Variants in SIK3 observed in about 807,000 individuals in gnomAD.
SIK3 encodes the protein serine/threonine-protein kinase SIK3.
Under a neutral mutation model 144.2 loss-of-function variants are expected in SIK3, and 28 were observed. That is an observed-to-expected ratio of 0.19 (90% CI 0.14 to 0.27). The LOEUF (loss-of-function observed/expected upper bound fraction) is 0.27. Among genes scored for constraint, SIK3 ranks in the 10% least tolerant of loss-of-function variants. SIK3 has a pLI of 1.00. For synonymous variants in SIK3, 686 were observed against 676.3 expected (o/e 1.01, Z -0.22); for missense variants, 1,319 against 1,776.0 (o/e 0.74, Z 4.62).
intron 1 of SIK3, among the ~76,000 whole-genome samples, chr11:117,065,478 C>T (rs1004184275): frequency 1.3e-5 from 2 of 151,804 alleles, no homozygotes; most frequent in Non-Finnish European, 2.9e-5. Context: ...TCCATGAAAA[C>T]GAATGTTAAA....
At chr11:117,031,923 A>G (rs79357714) in intron 1 of SIK3, among the ~76,000 whole-genome samples, 4,292 of 151,974 alleles carry the variant, frequency 0.028, 89 homozygotes, top group Non-Finnish European at 0.044. Flanking sequence ...ATAATAAAAA[A>G]CCACTGAATT....
At chr11:117,003,022 C>T (rs148616700) in intron 1 of SIK3, among the ~76,000 whole-genome samples, 322 of 152,334 alleles carry the variant, frequency 2.1e-3, no homozygotes, top group South Asian at 4.8e-3. Flanking sequence ...GCATACACGC[C>T]GTGTCAAGTA....
chr11:116,847,846 G>A lies in SIK3; in HGVS notation c.3820-238C>T, dbSNP rs528925045. On this transcript the variant is annotated intron_variant, in intron 22 of 24. Transcript: ENST00000445177. ...GGGCGGATGTGGCAAATCTCAGCTG[G>A]TGGTGACATCTTGATACCTACATGG... 4.6e-5 allele frequency among the ~76,000 whole-genome samples: 7 copies of A among 152,306 alleles called. No homozygotes were observed. In the South Asian group the frequency reaches 1.2e-3, roughly 27 times the overall value.
chr11:116,860,897 A>G (rs1344209850), intron 19 of SIK3, among the ~76,000 whole-genome samples: 8 of 152,140 alleles, frequency 5.3e-5, no homozygotes, highest in East Asian at 3.9e-4. Flanking sequence ...CCCCTGTGCA[A>G]TCTCTCTCCT....
intron 1 of SIK3, among the ~76,000 whole-genome samples, chr11:117,063,006 C>A (rs967397951): frequency 6.6e-6 from 1 of 152,180 alleles, no homozygotes; most frequent in Non-Finnish European, 1.5e-5. Context: ...GCAGATAAAT[C>A]AGAAATCAGC....
intron 1 of SIK3, among the ~76,000 whole-genome samples, chr11:116,975,287 C>T (rs768580549): frequency 5.5e-5 from 8 of 145,304 alleles, no homozygotes; most frequent in Non-Finnish European, 1.0e-4. Flanking sequence ...ATAGTGCAAC[C>T]ATCACAATCT....
At position 116,876,250 on chromosome 11, in the gene SIK3, T is replaced by C. The variant is rs1381564169; in HGVS notation, c.1095+3A>G. The C allele has an allele frequency of 6.2e-7, 1 of 1,612,760 alleles. No homozygotes were observed. Among genetic ancestry groups the C allele is most frequent in the Non-Finnish European group, 8.5e-7 (1 of 1,178,788 alleles). On this transcript the variant is annotated splice_donor_region_variant and intron_variant, in intron 8 of 24. Transcript: ENST00000445177. ...ACTTTGTTCTCCACTCCTTCGGAGA[T>C]ACCTGCAGTGTCTGTTCTTTGTCCA...
intron 6 of SIK3, among the ~76,000 whole-genome samples, chr11:116,881,850 T>A (rs1944568926): frequency 6.6e-6 from 1 of 152,222 alleles, no homozygotes; most frequent in Non-Finnish European, 1.5e-5. Context: ...AATTTAAGCA[T>A]CTACTTCACA....
At chr11:116,854,945 G>A (rs2134351376) in intron 21 of SIK3, among the ~76,000 whole-genome samples, 2 of 151,878 alleles carry the variant, frequency 1.3e-5, no homozygotes, top group East Asian at 1.9e-4. Flanking sequence ...AATTAGCCGG[G>A]TGCGGTAGTG....
At chr11:116,925,016 G>C (rs1947197443) in intron 4 of SIK3, among the ~76,000 whole-genome samples, 3 of 152,136 alleles carry the variant, frequency 2.0e-5, no homozygotes, top group Admixed American at 2.0e-4. Context: ...GATGAGGACA[G>C]ACACGGTGGC....
At chr11:117,037,087 C>T (rs920864345) in intron 1 of SIK3, among the ~76,000 whole-genome samples, 4 of 151,992 alleles carry the variant, frequency 2.6e-5, no homozygotes, top group African/African-American at 9.7e-5. Flanking sequence ...CTTTTTTCCC[C>T]ATAAGAAACT....
rs187348109 is a variant in SIK3, at chr11:116,877,360, A to G, written c.866-318T>C. 2.5e-4 allele frequency among the ~76,000 whole-genome samples: 38 copies of G among 152,370 alleles called. No individual in the cohort carries two copies. The South Asian group carries it at 7.2e-3, about 29-fold the overall frequency. ...TATGTATATGGCCCTATTTAACACA[A>G]GTAATGAAGAGTAGAATGGCCTCTA... On this transcript the variant is annotated intron_variant, in intron 6 of 24. Transcript: ENST00000445177.
rs528711268 is a variant in SIK3, at chr11:116,925,726, G to C, written c.616+1493C>G. Among the ~76,000 whole-genome samples, 3 of 152,334 alleles carry C rather than the reference G, an allele frequency of 2.0e-5. No homozygotes were observed. The South Asian group carries it at 6.2e-4, about 32-fold the overall frequency. ...GAAGCTACAACAAATAATTACAAAA[G>C]AAGGTTTGAAATTGCCAGGCTTTTC... is the stretch of plus-strand genomic sequence containing the variant. On this transcript the variant is annotated intron_variant, in intron 4 of 24. Coordinates refer to ENST00000445177, the MANE Select transcript of SIK3 (RefSeq NM_001366686.3).
At chr11:116,906,718 G>C (rs1031591531) in intron 4 of SIK3, among the ~76,000 whole-genome samples, 1 of 152,128 alleles carries the variant, frequency 6.6e-6, no homozygotes, top group Non-Finnish European at 1.5e-5. Context: ...AATTATTCTC[G>C]ATGAGAAATG....
At chr11:116,931,239 C>T (rs1006552404) in intron 3 of SIK3, among the ~76,000 whole-genome samples, 2 of 152,142 alleles carry the variant, frequency 1.3e-5, no homozygotes, top group Non-Finnish European at 2.9e-5. Context: ...AGTATTAGAG[C>T]ACCAGCACGT....
At chr11:117,048,476 G>C (rs1953065308) in intron 1 of SIK3, among the ~76,000 whole-genome samples, 1 of 152,044 alleles carries the variant, frequency 6.6e-6, no homozygotes, top group Admixed American at 6.6e-5. Flanking sequence ...GACCAACATG[G>C]AGAAACCCCA....
At chr11:117,053,855 C>T (rs1953383109) in intron 1 of SIK3, among the ~76,000 whole-genome samples, 1 of 152,202 alleles carries the variant, frequency 6.6e-6, no homozygotes, top group Non-Finnish European at 1.5e-5. Flanking sequence ...CTGTATTGCC[C>T]AGGCTGGTCT....
intron 1 of SIK3, among the ~76,000 whole-genome samples, chr11:117,041,898 T>A (rs1952757506): frequency 7.6e-6 from 1 of 132,020 alleles, no homozygotes; most frequent in South Asian, 2.4e-4. Context: ...TAGAGCCCGT[T>A]TATCCCTACT....
At chr11:116,961,525 T>C (rs1949347680) in intron 1 of SIK3, among the ~76,000 whole-genome samples, 1 of 152,176 alleles carries the variant, frequency 6.6e-6, no homozygotes, top group Non-Finnish European at 1.5e-5. Flanking sequence ...AAACTGAATG[T>C]GTCCACAACA....
Sources: allele counts gnomAD v4.1 joint callset (sites outside exome capture counted in the v4.1 genomes callset), GRCh38; gene constraint gnomAD v4.1.1; transcripts MANE v1.5; gene names NCBI Gene and HGNC (gene_info 2026-07-23, HGNC 2026-07-21).